RANBP17: variants seen among roughly 807,000 people sequenced by gnomAD.
RANBP17 encodes the protein ran-binding protein 17.
A neutral mutation model predicts 141.2 loss-of-function variants in RANBP17; 158 were observed. The observed-to-expected ratio is 1.12, with a 90% CI of 0.98 to 1.28. The LOEUF is 1.28. Among genes scored for constraint, RANBP17 ranks in the 50% most tolerant of loss-of-function variants. RANBP17 has a pLI of 0.00. For missense variants in RANBP17, 1,438 were observed against 1,290.7 expected, an observed-to-expected ratio of 1.11 and a Z score of -1.75; for synonymous variants, 430 against 450.0, an observed-to-expected ratio of 0.96 and a Z score of 0.56.
chr5:171,187,611 TTTTTC>T (rs1358162561), intron 18 of RANBP17, among the ~76,000 whole-genome samples: 1 of 152,142 alleles, frequency 6.6e-6, no homozygotes, highest in Non-Finnish European at 1.5e-5. Flanking sequence ...TGTAGGTAAT[TTTTTC>T]TATTTCTGAT....
chr5:171,206,324 G>A (rs1246604972), intron 20 of RANBP17: 1 of 157,842 alleles, frequency 6.3e-6, no homozygotes, highest in Non-Finnish European at 1.4e-5. Context: ...ATACAATTCA[G>A]TATCATGGTA....
intron 1 of RANBP17, among the ~76,000 whole-genome samples, chr5:170,862,327 C>T (rs1041170177): frequency 6.6e-6 from 1 of 152,176 alleles, no homozygotes; most frequent in African/African-American, 2.4e-5. Context: ...GGGCTCGTCC[C>T]GGGGAAGGTG....
chr5:170,981,561 C>T (rs1777775702), intron 14 of RANBP17, among the ~76,000 whole-genome samples: 1 of 147,814 alleles, frequency 6.8e-6, no homozygotes, highest in East Asian at 2.0e-4. Flanking sequence ...CACAGGCTCT[C>T]ATTTTTTTTT....
At chr5:171,251,713 G>A (rs1247834239) in intron 24 of RANBP17, among the ~76,000 whole-genome samples, 1 of 152,192 alleles carries the variant, frequency 6.6e-6, no homozygotes, top group Non-Finnish European at 1.5e-5. Context: ...TGGCGGCTCG[G>A]GGTCCACCCG....
intron 13 of RANBP17, among the ~76,000 whole-genome samples, chr5:170,955,648 G>GTGTGTA (rs1242245418): frequency 4.6e-5 from 1 of 21,762 alleles, no homozygotes; most frequent in African/African-American, 1.5e-4. Flanking sequence ...TATGCTCAGT[G>GTGTGTA]TATATATATA....
intron 14 of RANBP17, among the ~76,000 whole-genome samples, chr5:171,009,200 T>A (rs1046088589): frequency 6.6e-6 from 1 of 152,176 alleles, no homozygotes; most frequent in African/African-American, 2.4e-5. Context: ...TATCACTTAG[T>A]AGGTTTGTGA....
At chr5:170,965,286 T>C (rs931558086) in intron 13 of RANBP17, among the ~76,000 whole-genome samples, 49 of 151,808 alleles carry the variant, frequency 3.2e-4, no homozygotes, top group Middle Eastern at 3.4e-3. Flanking sequence ...TCATTGTAGA[T>C]TCTGGATATT....
intron 18 of RANBP17, among the ~76,000 whole-genome samples, chr5:171,189,224 C>T (rs1227105904): frequency 6.6e-6 from 1 of 152,092 alleles, no homozygotes; most frequent in African/African-American, 2.4e-5. Context: ...ATAGTAGCTA[C>T]CCTCATAGAA....
At chr5:171,212,165 A>G (rs1762935179) in intron 20 of RANBP17, among the ~76,000 whole-genome samples, 1 of 152,198 alleles carries the variant, frequency 6.6e-6, no homozygotes, top group Non-Finnish European at 1.5e-5. Context: ...GATAATTGAC[A>G]CCTATATTGA....
chr5:170,912,189 A>G (rs1771583881), intron 7 of RANBP17, among the ~76,000 whole-genome samples: 1 of 151,942 alleles, frequency 6.6e-6, no homozygotes, highest in Non-Finnish European at 1.5e-5. Flanking sequence ...GACTGTGGTG[A>G]TGGAAACATG....
chr5:171,257,965 G>A (rs761784776), intron 24 of RANBP17, among the ~76,000 whole-genome samples: 2 of 152,004 alleles, frequency 1.3e-5, no homozygotes, highest in Non-Finnish European at 2.9e-5. Flanking sequence ...ATTAGCCGGA[G>A]ATGGTGGCAC....
chr5:170,968,609 G>A, intron 14 of RANBP17: 1 of 575,034 alleles, frequency 1.7e-6, no homozygotes, highest in Non-Finnish European at 3.2e-6. Context: ...TTACATGGAT[G>A]GTCATTAAAC....
At chr5:171,212,288 T>C (rs550873473) in intron 20 of RANBP17, among the ~76,000 whole-genome samples, 1 of 152,174 alleles carries the variant, frequency 6.6e-6, no homozygotes, top group South Asian at 2.1e-4. Flanking sequence ...TAACATACTG[T>C]GTTGTAAGAG....
intron 24 of RANBP17, among the ~76,000 whole-genome samples, chr5:171,256,696 C>T (rs1736400425): frequency 6.6e-6 from 1 of 151,600 alleles, no homozygotes; most frequent in African/African-American, 2.4e-5. Context: ...AAGAAAAGAC[C>T]CAAATAAAAC....
rs1292412313 is a variant in RANBP17, at chr5:170,997,793, A to G, written c.1710+29416A>G. ...AATACACAGTATTAAATAATATAAT[A>G]AGATCTCAACTGTATGACAATAGGA... On this transcript the variant is annotated intron_variant, in intron 14 of 27. Transcript: ENST00000523189. Among the ~76,000 whole-genome samples, 3 of 152,276 alleles carry G rather than the reference A, an allele frequency of 2.0e-5. No individual in the cohort carries two copies. In the East Asian group the frequency reaches 5.8e-4, roughly 29 times the overall value.
intron 14 of RANBP17, among the ~76,000 whole-genome samples, chr5:171,064,221 A>T (rs1488987991): frequency 4.6e-5 from 7 of 152,222 alleles, no homozygotes; most frequent in Non-Finnish European, 8.8e-5. Flanking sequence ...CCAGTACCTC[A>T]GATGGAAATG....
intron 22 of RANBP17, among the ~76,000 whole-genome samples, chr5:171,237,257 C>G (rs1181816063): frequency 6.6e-6 from 1 of 152,016 alleles, no homozygotes; most frequent in Non-Finnish European, 1.5e-5. Flanking sequence ...GAAGGAGAAC[C>G]CCAAGCAGTT....
intron 25 of RANBP17, among the ~76,000 whole-genome samples, chr5:171,273,606 G>A (rs532997385): frequency 7.2e-5 from 11 of 152,310 alleles, no homozygotes; most frequent in Admixed American, 7.2e-4. Context: ...GATTTTAAAT[G>A]TAGCCACTGA....
intron 20 of RANBP17, among the ~76,000 whole-genome samples, chr5:171,209,322 G>A (rs191264581): frequency 6.6e-6 from 1 of 152,272 alleles, no homozygotes; most frequent in Admixed American, 6.5e-5. Context: ...TTGAATATCA[G>A]TCTAAGGAAT....
Sources: allele counts gnomAD v4.1 joint callset (sites outside exome capture counted in the v4.1 genomes callset), GRCh38; gene constraint gnomAD v4.1.1; transcripts MANE v1.5; gene names NCBI Gene and HGNC (gene_info 2026-07-23, HGNC 2026-07-21).